Variants in PDSS2 observed in about 807,000 individuals in gnomAD.
PDSS2 encodes the protein decaprenyl diphosphate synthase subunit 2.
Under a neutral mutation model 44.5 loss-of-function variants are expected in PDSS2, and 31 were observed. The observed-to-expected ratio is 0.70, with a 90% CI of 0.52 to 0.94. The LOEUF is 0.94. Ranked by LOEUF, PDSS2 falls within the 40% of genes least tolerant of loss-of-function variation. PDSS2 has a pLI of 0.00. For synonymous variants in PDSS2, 157 were observed against 180.3 expected (o/e 0.87, Z 1.03); for missense variants, 452 against 482.2 (o/e 0.94, Z 0.59).
In PDSS2 at chr6:107,379,226, A is replaced by G. The variant is rs147346107; in HGVS notation, c.297-44894T>C. ...TTATAGTATGCTTTGAGTATTTAAA[A>G]CTTATAAAATAATATCTGGCTTTAT... On this transcript the variant is annotated intron_variant, in intron 1 of 7. Coordinates refer to ENST00000369037, the MANE Select transcript of PDSS2 (RefSeq NM_020381.4). 3.8e-3 allele frequency among the ~76,000 whole-genome samples: 573 copies of G among 152,376 alleles called. 3 individuals are homozygous for G. The highest frequency in any genetic ancestry group is 9.6e-3 in the African/African-American group (400 of 41,594).
intron 1 of PDSS2, among the ~76,000 whole-genome samples, chr6:107,391,486 G>C (rs931717204): frequency 2.4e-5 from 3 of 124,100 alleles, no homozygotes; most frequent in East Asian, 2.0e-4. Context: ...TTCCAAGCAG[G>C]GGATGGGGGG....
intron 4 of PDSS2, among the ~76,000 whole-genome samples, chr6:107,223,651 C>T (rs1455166223): frequency 6.6e-6 from 1 of 151,208 alleles, no homozygotes; most frequent in East Asian, 1.9e-4. Flanking sequence ...GAGGTCAAGG[C>T]TGCAGTGAGA....
At chr6:107,208,678 C>T (rs1366496811) in intron 6 of PDSS2, among the ~76,000 whole-genome samples, 10 of 148,714 alleles carry the variant, frequency 6.7e-5, no homozygotes, top group East Asian at 2.0e-4. Context: ...GGCGCAATCT[C>T]GCTCACTGCA....
chr6:107,172,544 GAA>G (rs1771617179), intron 7 of PDSS2, among the ~76,000 whole-genome samples: 1 of 152,076 alleles, frequency 6.6e-6, no homozygotes, highest in Non-Finnish European at 1.5e-5. Context: ...CAACAAGAGT[GAA>G]ACTCCGTCTC....
intron 1 of PDSS2, among the ~76,000 whole-genome samples, chr6:107,353,117 T>A (rs759104170): frequency 1.3e-5 from 2 of 152,128 alleles, no homozygotes; most frequent in Non-Finnish European, 2.9e-5. Context: ...TGCAATCCTA[T>A]GTCATCTGCC....
At chr6:107,246,197 T>C (rs945284453) in intron 3 of PDSS2, among the ~76,000 whole-genome samples, 4 of 151,236 alleles carry the variant, frequency 2.6e-5, no homozygotes, top group Admixed American at 6.6e-5. Flanking sequence ...ATCAAACCTG[T>C]ATTATTTTTC....
intron 7 of PDSS2, among the ~76,000 whole-genome samples, chr6:107,181,361 C>T (rs1582746993): frequency 6.6e-6 from 1 of 151,320 alleles, no homozygotes; most frequent in East Asian, 2.0e-4. Flanking sequence ...GGTGAAACCC[C>T]GTCTCTACTA....
intron 1 of PDSS2, among the ~76,000 whole-genome samples, chr6:107,347,055 C>A (rs942377991): frequency 5.3e-5 from 8 of 152,098 alleles, no homozygotes; most frequent in Non-Finnish European, 8.8e-5. Context: ...AGTGAAAGTG[C>A]TGTCCAGGTT....
intron 4 of PDSS2, among the ~76,000 whole-genome samples, chr6:107,243,378 G>C (rs1228302353): frequency 6.6e-6 from 1 of 152,124 alleles, no homozygotes; most frequent in African/African-American, 2.4e-5. Flanking sequence ...GTAGCTGTCA[G>C]GTTTCCCTGA....
chr6:107,339,627 G>A (rs570297442), intron 1 of PDSS2, among the ~76,000 whole-genome samples: 1 of 152,222 alleles, frequency 6.6e-6, no homozygotes, highest in Non-Finnish European at 1.5e-5. Flanking sequence ...ATGAGAGCTT[G>A]GAATACAGAA....
chr6:107,370,572 A>G (rs537607551), intron 1 of PDSS2, among the ~76,000 whole-genome samples: 2 of 152,366 alleles, frequency 1.3e-5, no homozygotes, highest in East Asian at 3.9e-4. Flanking sequence ...CTATTTAAGC[A>G]TAACGAGTGT....
intron 7 of PDSS2, among the ~76,000 whole-genome samples, chr6:107,185,721 C>T (rs1353252743): frequency 6.6e-6 from 1 of 152,110 alleles, no homozygotes; most frequent in Non-Finnish European, 1.5e-5. Flanking sequence ...TGAATGTGGT[C>T]CGAGAGCCTT....
chr6:107,452,689 CAG>C (rs1233640327), intron 1 of PDSS2, among the ~76,000 whole-genome samples: 1 of 150,918 alleles, frequency 6.6e-6, no homozygotes, highest in Non-Finnish European at 1.5e-5. Context: ...TTTCTTGAGA[CAG>C]AGTCTCACTC....
intron 6 of PDSS2, among the ~76,000 whole-genome samples, chr6:107,199,794 TACTC>T (rs1772707456): frequency 6.6e-6 from 1 of 152,228 alleles, no homozygotes; most frequent in African/African-American, 2.4e-5. Flanking sequence ...AAACGAATTT[TACTC>T]ACTCCTAGTT....
chr6:107,350,027 C>A (rs1385813990), intron 1 of PDSS2, among the ~76,000 whole-genome samples: 1 of 152,084 alleles, frequency 6.6e-6, no homozygotes, highest in African/African-American at 2.4e-5. Context: ...AAATTACAGG[C>A]CAGTTATTTT....
At chr6:107,271,672 A>T (rs533671101) in intron 3 of PDSS2, among the ~76,000 whole-genome samples, 10 of 152,322 alleles carry the variant, frequency 6.6e-5, no homozygotes, top group South Asian at 2.1e-4. Flanking sequence ...ATTGCCCTGC[A>T]TTCTGTCCTT....
intron 1 of PDSS2, among the ~76,000 whole-genome samples, chr6:107,377,787 C>CA (rs1442558456): frequency 6.6e-6 from 1 of 151,134 alleles, no homozygotes; most frequent in Non-Finnish European, 1.5e-5. Flanking sequence ...ATCGCAAGGA[C>CA]AAAAAACCAA....
At chr6:107,366,052 CT>C (rs1778951668) in intron 1 of PDSS2, among the ~76,000 whole-genome samples, 3 of 152,222 alleles carry the variant, frequency 2.0e-5, no homozygotes, top group Admixed American at 2.0e-4. Context: ...CTTGATATAA[CT>C]GACATTTATA....
intron 1 of PDSS2, among the ~76,000 whole-genome samples, chr6:107,380,747 C>T (rs1212640697): frequency 6.6e-6 from 1 of 152,246 alleles, no homozygotes; most frequent in Non-Finnish European, 1.5e-5. Context: ...TTCAGAGCAG[C>T]GGTTTCCCCT....
Sources: allele counts gnomAD v4.1 joint callset (sites outside exome capture counted in the v4.1 genomes callset), GRCh38; gene constraint gnomAD v4.1.1; transcripts MANE v1.5; gene names NCBI Gene and HGNC (gene_info 2026-07-23, HGNC 2026-07-21).